The following SPADH variants were observed in gnomAD, a reference collection of about 807,000 sequenced individuals.
SPADH encodes the protein spermadhesin family member, also known as CUB domain-containing protein.
chr10:122,677,370 G>T, the SPADH span, among the ~76,000 whole-genome samples: 1 of 152,194 alleles, frequency 6.6e-6, no homozygotes, highest in Non-Finnish European at 1.5e-5. Flanking sequence ...TCTCTGCAGA[G>T]GAGGAGAGAT....
At chr10:122,675,550 C>T in the SPADH span, 9 of 397,962 alleles carry the variant, frequency 2.3e-5, 1 homozygote, top group South Asian at 8.3e-4. Flanking sequence ...TCAAGCTCCT[C>T]TTCACAGTGT....
the SPADH span, among the ~76,000 whole-genome samples, chr10:122,677,461 CTTTG>C: frequency 6.6e-6 from 1 of 152,168 alleles, no homozygotes; most frequent in Admixed American, 6.5e-5. Flanking sequence ...TTGGCTATGA[CTTTG>C]TTTGTGTCTA....
chr10:122,673,126 A>G, the SPADH span, among the ~76,000 whole-genome samples: 1 of 152,214 alleles, frequency 6.6e-6, no homozygotes, highest in Non-Finnish European at 1.5e-5. Context: ...CATTGTGCTG[A>G]TGCCATCGTG....
the SPADH span, among the ~76,000 whole-genome samples, chr10:122,673,324 C>G: frequency 6.6e-6 from 1 of 152,150 alleles, no homozygotes; most frequent in East Asian, 1.9e-4. Flanking sequence ...GGTGAGGGTG[C>G]CCTGCATTGA....
chr10:122,678,954 C>A, the SPADH span: 2 of 984,800 alleles, frequency 2.0e-6, no homozygotes, highest in Non-Finnish European at 1.2e-6. Flanking sequence ...TACTCTTCTT[C>A]CAACATCATC....
the SPADH span, chr10:122,675,690 T>C: frequency 1.0e-6 from 1 of 973,186 alleles, no homozygotes; most frequent in Non-Finnish European, 1.2e-6. Context: ...GACAAGACTG[T>C]TACCCTCTTT....
chr10:122,679,181 T>C, the SPADH span: 1 of 224,358 alleles, frequency 4.5e-6, no homozygotes. Flanking sequence ...TGGATCAGCA[T>C]TGGGTGAGGG....
the SPADH span, among the ~76,000 whole-genome samples, chr10:122,675,042 T>A: frequency 1.3e-5 from 2 of 152,230 alleles, no homozygotes; most frequent in Non-Finnish European, 2.9e-5. Flanking sequence ...GATCCCGTTA[T>A]CTAACTCCAG....
chr10:122,672,863 G>A, the SPADH span: 7 of 985,432 alleles, frequency 7.1e-6, no homozygotes, highest in Non-Finnish European at 7.2e-6. Context: ...CCTGAGGTTG[G>A]TGCCAGGCCC....
At chr10:122,674,941 C>T in the SPADH span, among the ~76,000 whole-genome samples, 1 of 152,164 alleles carries the variant, frequency 6.6e-6, no homozygotes, top group African/African-American at 2.4e-5. Flanking sequence ...GATTCTGAAC[C>T]CGTGGGCCTG....
chr10:122,673,478 G>T, the SPADH span, among the ~76,000 whole-genome samples: 20 of 152,290 alleles, frequency 1.3e-4, no homozygotes, highest in South Asian at 4.1e-3. Flanking sequence ...CCCACCGCTG[G>T]CTGGGAGTGC....
the SPADH span, among the ~76,000 whole-genome samples, chr10:122,674,707 C>G: frequency 1.3e-5 from 2 of 152,192 alleles, no homozygotes; most frequent in African/African-American, 2.4e-5. Flanking sequence ...ATTTGGAAAA[C>G]GAAGCAACTG....
chr10:122,674,708 G>A, the SPADH span, among the ~76,000 whole-genome samples: 2 of 152,196 alleles, frequency 1.3e-5, no homozygotes, highest in Admixed American at 6.5e-5. Context: ...TTTGGAAAAC[G>A]AAGCAACTGT....
At chr10:122,677,281 T>TGC in the SPADH span, among the ~76,000 whole-genome samples, 1 of 152,196 alleles carries the variant, frequency 6.6e-6, no homozygotes. Context: ...ATCTGCCCTC[T>TGC]GCAAAGGGTT....
chr10:122,676,085 G>C, the SPADH span, among the ~76,000 whole-genome samples: 3 of 152,192 alleles, frequency 2.0e-5, no homozygotes, highest in African/African-American at 7.2e-5. Flanking sequence ...TTCCTCCAGG[G>C]TGCAGTTCTT....
the SPADH span, among the ~76,000 whole-genome samples, chr10:122,679,221 G>GA: frequency 6.6e-6 from 1 of 152,064 alleles, no homozygotes; most frequent in African/African-American, 2.4e-5. Context: ...GACCCTTCCA[G>GA]AAAAAGGTAC....
At chr10:122,675,780 C>G in the SPADH span, 2 of 299,992 alleles carry the variant, frequency 6.7e-6, no homozygotes. Context: ...AGGGATAATT[C>G]TTGTCCAAAA....
chr10:122,676,228 C>A, the SPADH span, among the ~76,000 whole-genome samples: 1 of 152,232 alleles, frequency 6.6e-6, no homozygotes, highest in African/African-American at 2.4e-5. Flanking sequence ...AAGCTAAGTG[C>A]TTTAGAAACT....
chr10:122,676,906 TGTGA>T, the SPADH span: 1 of 985,320 alleles, frequency 1.0e-6, no homozygotes. Context: ...GTACTGGGGT[TGTGA>T]GTTTTCTTTG....
Sources: gnomAD v4.1 joint callset for allele counts (sites outside exome capture counted in the v4.1 genomes callset) on GRCh38, gnomAD v4.1.1 for gene constraint, MANE v1.5 for transcripts, NCBI Gene and HGNC (gene_info 2026-07-23, HGNC 2026-07-21) for gene names.